Variants in MRTO4 observed in about 807,000 individuals in gnomAD.
MRTO4 encodes the protein mRNA turnover protein 4 homolog.
MRTO4 carries 7 observed loss-of-function variants against 28.6 expected under a neutral mutation model. The ratio of observed to expected loss-of-function variants is 0.24; its 90% CI spans 0.14 to 0.46. The LOEUF (loss-of-function observed/expected upper bound fraction) is 0.46. Ranked by LOEUF, MRTO4 falls within the 20% of genes least tolerant of loss-of-function variation. The pLI, the probability that MRTO4 is intolerant of heterozygous loss-of-function variation, is 0.99. For missense variants in MRTO4, 302 were observed against 298.3 expected (o/e 1.01, Z -0.09); for synonymous variants, 113 against 108.2 (o/e 1.04, Z -0.27).
rs757079218 is a variant in MRTO4, at chr1:19,258,770, C to G, written c.660C>G (p.Asp220Glu). The G allele has an allele frequency of 8.1e-6, 13 of 1,614,132 alleles. No homozygotes were observed. The highest frequency in any genetic ancestry group is 1.1e-5 in the Non-Finnish European group (13 of 1,180,032). Residue 220 changes from aspartate (D) to glutamate (E), a missense_variant, in exon 8 of 8, where the codon GAC (aspartate) becomes GAG (glutamate). Physicochemically the swap from Asp to Glu is conservative, Grantham distance 45. Coordinates refer to ENST00000330263, the MANE Select transcript of MRTO4 (RefSeq NM_016183.4). ...CGGGAAGGTTCCAGCAGATGGGAGA[C>G]GACTTGCCAGAGAGCGCATCTGAGT... is the stretch of plus-strand genomic sequence containing the variant. ...SQSGRFQQMGDDLPESASEST... is the reference protein window; with the variant it reads ...SQSGRFQQMGEDLPESASEST...
intron 5 of MRTO4, 60 bp from the exon 6 acceptor site, chr1:19,257,773 A>T: frequency 6.3e-7 from 1 of 1,588,706 alleles, no homozygotes; most frequent in East Asian, 2.2e-5. Context: ...GGGGAGCCTG[A>T]CTCATGGGCT....
chr1:19,255,929 C>T lies in MRTO4; in HGVS notation c.88-19C>T. On this transcript the variant is annotated intron_variant, in intron 2 of 7. Coordinates refer to ENST00000330263, the MANE Select transcript of MRTO4 (RefSeq NM_016183.4). Reference sequence around the variant, plus strand: ...GTATGCTGCTGCTTGAACTCAGAGCCTCGTGAATTGTCCCACAGCTTCGGA... The same window carrying T: ...GTATGCTGCTGCTTGAACTCAGAGCTTCGTGAATTGTCCCACAGCTTCGGA... 2 of 1,608,012 alleles carry T rather than the reference C, an allele frequency of 1.2e-6. No homozygotes were observed. The highest frequency in any genetic ancestry group is 1.7e-6 in the Non-Finnish European group (2 of 1,174,682).
At chr1:19,257,018 G>A in intron 3 of MRTO4, 46 bp from the exon 4 acceptor site, 1 of 1,586,126 alleles carries the variant, frequency 6.3e-7, no homozygotes. Flanking sequence ...GGGATGGGGA[G>A]GGCAGGGCTC....
chr1:19,258,534 C>G lies in MRTO4; in HGVS notation c.551C>G (p.Pro184Arg). The change falls in exon 7 of 8, where the codon CCA becomes CGA. Residue 184 changes from proline (P) to arginine (R), a missense_variant. Transcript: ENST00000330263. ...TGCAAGGAGGGCGATGTGCTGACCC[C>G]AGAGCAGGCTCGCGTCCTGGTGAGT... is the stretch of plus-strand genomic sequence containing the variant. ...EVCKEGDVLT[P>R]EQARVLKLFG... 1 of 1,614,120 alleles carries G rather than the reference C, an allele frequency of 6.2e-7. No homozygotes were observed. The highest frequency in any genetic ancestry group is 8.5e-7 in the Non-Finnish European group (1 of 1,180,048).
rs927726114 is a variant in MRTO4 at position 19,254,764 on chromosome 1, C to T, written c.29-18C>T. ...TAGATTGGTCTCTCATCATCTCTCT[C>T]CTTTTTGTTTTTATTAGTCTCCTTA... On this transcript the variant is annotated intron_variant, in intron 1 of 7. Transcript: ENST00000330263. 8 of 1,601,714 alleles carry T rather than the reference C, an allele frequency of 5.0e-6. No homozygotes were observed. The East Asian group carries it at 6.7e-5, about 13-fold the overall frequency.
chr1:19,258,120 A>G, intron 6 of MRTO4, 136 bp downstream of exon 6: 1 of 1,202,220 alleles, frequency 8.3e-7, no homozygotes. Flanking sequence ...CTAAGAGTGC[A>G]TGCCTCACAG....
intron 4 of MRTO4, 107 bp from the exon 5 acceptor site, chr1:19,257,347 C>A (rs867622971): frequency 1.4e-6 from 2 of 1,388,438 alleles, no homozygotes; most frequent in Middle Eastern, 1.8e-4. Flanking sequence ...GCTATGACAA[C>A]CAAAAACGTC....
rs1345645513 is a variant in MRTO4, at chr1:19,251,806, C to G, written c.-30C>G. 2 of 1,562,272 alleles carry G rather than the reference C, an allele frequency of 1.3e-6. No individual in the cohort carries two copies. The highest frequency in any genetic ancestry group is 2.4e-5 in the East Asian group (1 of 41,480). ...GCCGCCGGGGTCCTAACGGGGTGCA[C>G]CGTCTTCCGCCGCACGTGGATTCAG... On this transcript the variant is annotated 5_prime_UTR_variant, in exon 1 of 8. Coordinates refer to ENST00000330263, the MANE Select transcript of MRTO4 (RefSeq NM_016183.4).
Position 19,257,931 on chromosome 1 carries a change from A to C in MRTO4, c.440A>C (p.His147Pro). The C allele has an allele frequency of 6.2e-7, 1 of 1,613,766 alleles. No homozygotes were observed. The highest frequency in any genetic ancestry group is 1.7e-5 in the Admixed American group (1 of 59,972). The stretch of plus-strand genomic sequence containing the variant: ...CCAGGGCCCCTGGAGCAGTTCCCCC[A>C]CTCCATGGAGCCACAGCTCAGGCAG... ...LDPGPLEQFP[H>P]SMEPQLRQLG... The change falls in exon 6 of 8, where the codon CAC becomes CCC. Residue 147 changes from histidine (H) to proline (P), a missense_variant. Transcript: ENST00000330263.
intron 2 of MRTO4, among the ~76,000 whole-genome samples, chr1:19,255,387 A>C (rs1280472374): frequency 1.5e-5 from 2 of 135,658 alleles, no homozygotes; most frequent in African/African-American, 6.1e-5. Context: ...TGGGCAACAG[A>C]GTGAGACCCT....
Position 19,257,836 on chromosome 1 carries a change from G to T in MRTO4, c.345G>T (p.Trp115Cys). Residue 115 changes from tryptophan to cysteine, a missense_variant, in exon 6 of 8, where the codon TGG becomes TGT. Coordinates refer to ENST00000330263, the MANE Select transcript of MRTO4 (RefSeq NM_016183.4). Reference sequence around the variant, plus strand: ...TACCACTTCTCTTTTCCCTTAGGTGGTTCACGAAATACACAGAAATGGACT... The same window carrying T: ...TACCACTTCTCTTTTCCCTTAGGTGTTTCACGAAATACACAGAAATGGACT... ...TNRTKEEVNE[W>C]FTKYTEMDYA... 2 of 1,612,688 alleles carry T rather than the reference G, an allele frequency of 1.2e-6. No individual in the cohort carries two copies. Among genetic ancestry groups the T allele is most frequent in the Non-Finnish European group, 1.7e-6 (2 of 1,179,924 alleles).
At chr1:19,255,261 A>G (rs1376764361) in intron 2 of MRTO4, among the ~76,000 whole-genome samples, 1 of 152,114 alleles carries the variant, frequency 6.6e-6, no homozygotes, top group Non-Finnish European at 1.5e-5. Flanking sequence ...TGGGAGGCCA[A>G]GTGGGTCAGA....
At chr1:19,253,568 G>A (rs80195930) in intron 1 of MRTO4, among the ~76,000 whole-genome samples, 4,260 of 152,310 alleles carry the variant, frequency 0.028, 75 homozygotes, top group South Asian at 0.053. Flanking sequence ...GCAGAGGGCA[G>A]GAATGGAAGC....
intron 2 of MRTO4, 53 bp from the exon 3 acceptor site, chr1:19,255,895 G>A (rs2093670692): frequency 2.7e-6 from 4 of 1,459,370 alleles, no homozygotes; most frequent in Non-Finnish European, 3.8e-6. Context: ...GGCCAGAGTA[G>A]TGCCCGTTGT....
Position 19,251,872 on chromosome 1 carries a change from A to AG in MRTO4, c.28+14dup. On this transcript the variant is annotated intron_variant, in intron 1 of 7. Transcript: ENST00000330263. Reference sequence around the variant, plus strand: ...CAAGCGCGACAAGAAAGGTGGGCGAAGGGGGAGTCGGGACCCTGGGGGGAG... The same window carrying AG: ...CAAGCGCGACAAGAAAGGTGGGCGAAGGGGGGAGTCGGGACCCTGGGGGGAG... 1.9e-6 allele frequency: 3 copies of AG among 1,591,798 alleles called. No individual in the cohort carries two copies. Among genetic ancestry groups the AG allele is most frequent in the Non-Finnish European group, 2.6e-6 (3 of 1,169,836 alleles).
chr1:19,251,955 T>C (rs1364158881), intron 1 of MRTO4, 92 bp downstream of exon 1: 1 of 1,500,696 alleles, frequency 6.7e-7, no homozygotes, highest in Non-Finnish European at 9.0e-7. Flanking sequence ...GGGGCGCAGA[T>C]TGGAACGCCA....
intron 4 of MRTO4, 104 bp downstream of exon 4, chr1:19,257,249 G>A: frequency 7.7e-7 from 1 of 1,306,484 alleles, no homozygotes; most frequent in Non-Finnish European, 1.1e-6. Context: ...CGGAGGCTCA[G>A]GGAGAGCAGG....
chr1:19,258,558 G>T lies in MRTO4; in HGVS notation c.570+5G>T, dbSNP rs1286501652. 6.2e-7 allele frequency: 1 copy of T among 1,614,056 alleles called. No homozygotes were observed. Among genetic ancestry groups the T allele is most frequent in the Middle Eastern group, 1.6e-4 (1 of 6,062 alleles). On this transcript the variant is annotated splice_donor_5th_base_variant and intron_variant, in intron 7 of 7. Transcript: ENST00000330263. ...CCAGAGCAGGCTCGCGTCCTGGTGA[G>T]TCTGGCGCCTTGCGGGCTGTTGCGG...
chr1:19,257,611 A>G, intron 5 of MRTO4, 90 bp downstream of exon 5: 2 of 1,528,454 alleles, frequency 1.3e-6, no homozygotes, highest in Non-Finnish European at 1.8e-6. Flanking sequence ...CATATGTGGC[A>G]TCAAGTTGGA....
Sources: gnomAD v4.1 joint callset for allele counts (sites outside exome capture counted in the v4.1 genomes callset) on GRCh38, gnomAD v4.1.1 for gene constraint, MANE v1.5 for transcripts, NCBI Gene and HGNC (gene_info 2026-07-23, HGNC 2026-07-21) for gene names.